Variants in FGF14 observed in about 807,000 individuals in gnomAD.
FGF14 encodes fibroblast growth factor 14, also known as fibroblast growth factor homologous factor 4.
In FGF14, 5 loss-of-function variants were observed where a neutral mutation model predicts 25.5. That is an observed-to-expected ratio of 0.20 (90% CI 0.10 to 0.41). The LOEUF is 0.41. Among genes scored for constraint, FGF14 ranks in the 10% least tolerant of loss-of-function variants. FGF14 has a pLI of 1.00. For missense variants in FGF14, 222 were observed against 320.1 expected (o/e 0.69, Z 2.34); for synonymous variants, 138 against 118.3 (o/e 1.17, Z -1.08).
intron 1 of FGF14, among the ~76,000 whole-genome samples, chr13:102,280,039 A>ACATAGTAAAT (rs952206596): frequency 6.6e-6 from 1 of 152,220 alleles, no homozygotes; most frequent in Non-Finnish European, 1.5e-5. Context: ...GAAGTTGTAT[A>ACATAGTAAAT]CATAGTAAAT....
chr13:102,002,738 T>C (rs191190616), intron 1 of FGF14: 2 of 152,406 alleles, frequency 1.3e-5, no homozygotes, highest in African/African-American at 4.8e-5. Flanking sequence ...TTAGGAGCAA[T>C]ATAACTGCTA....
chr13:102,084,729 A>G (rs2043808983), intron 1 of FGF14, among the ~76,000 whole-genome samples: 1 of 152,220 alleles, frequency 6.6e-6, no homozygotes, highest in Admixed American at 6.5e-5. Context: ...GTATTTCCAG[A>G]TAACTTGTAT....
intron 1 of FGF14, among the ~76,000 whole-genome samples, chr13:102,061,334 T>C (rs1315149778): frequency 6.6e-6 from 1 of 152,202 alleles, no homozygotes; most frequent in Admixed American, 6.5e-5. Flanking sequence ...CTGTAAACAC[T>C]GGACTCTAGA....
At chr13:101,796,577 A>T (rs535868228) in intron 3 of FGF14, among the ~76,000 whole-genome samples, 1 of 152,156 alleles carries the variant, frequency 6.6e-6, no homozygotes, top group Non-Finnish European at 1.5e-5. Flanking sequence ...GCAATTAAAG[A>T]CAAATACGAT....
At chr13:102,127,823 C>T (rs1325947390) in intron 1 of FGF14, among the ~76,000 whole-genome samples, 1 of 152,220 alleles carries the variant, frequency 6.6e-6, no homozygotes, top group East Asian at 1.9e-4. Flanking sequence ...AGAAGTGCTA[C>T]ATATTTTTTA....
intron 1 of FGF14, among the ~76,000 whole-genome samples, chr13:101,948,606 A>G (rs951660716): frequency 1.5e-4 from 23 of 152,008 alleles, no homozygotes; most frequent in Non-Finnish European, 3.4e-4. Flanking sequence ...AATGATAGTA[A>G]ATGGGTTCCC....
At chr13:102,358,249 C>T (rs1299485375) in intron 1 of FGF14, among the ~76,000 whole-genome samples, 2 of 152,080 alleles carry the variant, frequency 1.3e-5, no homozygotes, top group Admixed American at 6.6e-5. Flanking sequence ...TTCAGGAATA[C>T]ATTAATTATA....
intron 1 of FGF14, among the ~76,000 whole-genome samples, chr13:102,044,375 CT>C (rs1484205898): frequency 6.6e-6 from 1 of 151,884 alleles, no homozygotes; most frequent in Non-Finnish European, 1.5e-5. Flanking sequence ...AAAAAAACTG[CT>C]TTTATTAAAT....
chr13:101,812,611 CTATATATATATATATATATATATA>C (rs35878751), intron 3 of FGF14, among the ~76,000 whole-genome samples: 29 of 12,376 alleles, frequency 2.3e-3, no homozygotes, highest in East Asian at 0.021. Context: ...ATTTTTAAAA[CTATATATATATATATATATATATA>C]TATATATATA....
At chr13:101,850,895 T>C (rs989675660) in intron 3 of FGF14, among the ~76,000 whole-genome samples, 24 of 151,908 alleles carry the variant, frequency 1.6e-4, no homozygotes, top group South Asian at 1.2e-3. Context: ...TCTTTCAACA[T>C]GTTTTTGAGT....
At chr13:102,013,861 G>C (rs1237152307) in intron 1 of FGF14, among the ~76,000 whole-genome samples, 2 of 152,090 alleles carry the variant, frequency 1.3e-5, no homozygotes, top group Non-Finnish European at 2.9e-5. Context: ...GAGATGACAG[G>C]ACTTGCTTAG....
chr13:101,804,573 T>C (rs1478743155), intron 3 of FGF14, among the ~76,000 whole-genome samples: 1 of 152,036 alleles, frequency 6.6e-6, no homozygotes, highest in East Asian at 1.9e-4. Flanking sequence ...ACAACTCCAT[T>C]AGACATACAC....
rs1246042452 is a variant in FGF14, at chr13:102,326,332, C to T, written c.208+75139G>A. Among the ~76,000 whole-genome samples, 11 of 151,938 alleles carry T rather than the reference C, an allele frequency of 7.2e-5. 1 individual carries two copies. On this transcript the variant is annotated intron_variant, in intron 1 of 4. Coordinates refer to the FGF14 transcript ENST00000376131. The stretch of plus-strand genomic sequence containing the variant: ...AATAAAACTATCAGTATAATTAAGC[C>T]GAACTTATATAGAATTATTATATAG...
At chr13:101,801,128 G>C (rs2040844476) in intron 3 of FGF14, among the ~76,000 whole-genome samples, 1 of 152,154 alleles carries the variant, frequency 6.6e-6, no homozygotes, top group Admixed American at 6.6e-5. Context: ...GGCATCTGCT[G>C]TTATTGATGC....
intron 1 of FGF14, among the ~76,000 whole-genome samples, chr13:102,065,825 T>C (rs1193128404): frequency 3.3e-5 from 5 of 152,080 alleles, no homozygotes; most frequent in African/African-American, 1.2e-4. Context: ...ATAGTTACTA[T>C]GTATATAAAA....
At chr13:101,741,537 A>G (rs1334157733) in intron 3 of FGF14, among the ~76,000 whole-genome samples, 1 of 152,004 alleles carries the variant, frequency 6.6e-6, no homozygotes, top group Non-Finnish European at 1.5e-5. Flanking sequence ...AGGATAATAT[A>G]TGAGATATGG....
intron 3 of FGF14, among the ~76,000 whole-genome samples, chr13:101,867,938 GCA>G (rs1259856993): frequency 1.5e-4 from 19 of 130,416 alleles, no homozygotes; most frequent in African/African-American, 3.9e-4. Flanking sequence ...ACACACACGC[GCA>G]CACACACAAT....
At chr13:102,099,464 A>G (rs1176975263) in intron 1 of FGF14, among the ~76,000 whole-genome samples, 1 of 152,226 alleles carries the variant, frequency 6.6e-6, no homozygotes, top group Non-Finnish European at 1.5e-5. Context: ...TGATAAAAAC[A>G]AAATAGGACC....
intron 3 of FGF14, among the ~76,000 whole-genome samples, chr13:101,847,084 A>T (rs2043502179): frequency 6.6e-6 from 1 of 152,196 alleles, no homozygotes; most frequent in Admixed American, 6.6e-5. Flanking sequence ...CTAAAATTCA[A>T]CACTTCTACC....
Sources: allele counts gnomAD v4.1 joint callset (sites outside exome capture counted in the v4.1 genomes callset), GRCh38; gene constraint gnomAD v4.1.1; transcripts MANE v1.5; gene names NCBI Gene and HGNC (gene_info 2026-07-23, HGNC 2026-07-21).